Variants in DZIP3 observed in about 807,000 individuals in gnomAD.
DZIP3 encodes the protein E3 ubiquitin-protein ligase DZIP3.
A neutral mutation model predicts 162.0 loss-of-function variants in DZIP3; 118 were observed. The observed-to-expected ratio is 0.73, with a 90% CI of 0.63 to 0.85. The LOEUF is 0.85. DZIP3 is among the 40% of genes least tolerant of loss of function. The pLI is 0.00. For missense variants in DZIP3, 1,331 were observed against 1,407.0 expected (o/e 0.95, Z 0.86); for synonymous variants, 438 against 458.6 (o/e 0.96, Z 0.57).
intron 11 of DZIP3, 66 bp from the exon 12 acceptor site, chr3:108,637,430 A>G: frequency 7.2e-7 from 1 of 1,396,924 alleles, no homozygotes; most frequent in African/African-American, 1.4e-5. Context: ...TTAAGCTAAG[A>G]AATAACATTA....
At chr3:108,643,827 T>A in intron 13 of DZIP3, among the ~76,000 whole-genome samples, 1 of 152,070 alleles carries the variant, frequency 6.6e-6, no homozygotes, top group East Asian at 1.9e-4. Flanking sequence ...CAATTAGCAT[T>A]CTTGGCAAAT....
intron 4 of DZIP3, among the ~76,000 whole-genome samples, chr3:108,616,305 T>TAAAA (rs71629359): frequency 6.9e-6 from 1 of 145,180 alleles, no homozygotes; most frequent in African/African-American, 2.5e-5. Context: ...AATAAATAAA[T>TAAAA]AAAATAAAAT....
Position 108,651,099 on chromosome 3 carries a change from A to G in DZIP3, c.2008-38A>G, listed in dbSNP as rs138068047. 401 of 675,414 alleles carry G rather than the reference A, an allele frequency of 5.9e-4. 2 individuals carry two copies. The African/African-American group carries it at 7.5e-3, about 13-fold the overall frequency. The allele number at this position is 675,414 out of a possible 1,614,324, so 41.8% of individuals were successfully genotyped here. ...TATTACTAGTATGTTGTTTTGATAT[A>G]GTTGATATAGATTACTAATTCTTAT... On this transcript the variant is annotated intron_variant, in intron 17 of 32. Transcript: ENST00000361582.
At chr3:108,619,365 A>G (rs1027114370) in intron 5 of DZIP3, among the ~76,000 whole-genome samples, 6 of 152,010 alleles carry the variant, frequency 3.9e-5, no homozygotes, top group African/African-American at 1.4e-4. Flanking sequence ...ACTTATATAC[A>G]CATATACATA....
Position 108,612,537 on chromosome 3 carries a change from T to A in DZIP3, c.258+1208T>A, listed in dbSNP as rs569856676. ...TAAAAATAGAAGAATAGTACAGTCA[T>A]CTTTTGGTATCTGTGGGAGGTTAAT... On this transcript the variant is annotated intron_variant, in intron 4 of 32. Transcript: ENST00000361582. Among the ~76,000 whole-genome samples the A allele has an allele frequency of 1.1e-4, 16 of 152,278 alleles. 1 individual carries two copies. The highest frequency in any genetic ancestry group is 6.5e-4 in the Admixed American group (10 of 15,308).
chr3:108,656,263 C>A (rs542912725), intron 19 of DZIP3, among the ~76,000 whole-genome samples: 22 of 152,298 alleles, frequency 1.4e-4, no homozygotes, highest in Non-Finnish European at 1.3e-4. Context: ...CAGACTGACA[C>A]CTCACACGGC....
intron 9 of DZIP3, among the ~76,000 whole-genome samples, chr3:108,634,507 G>T (rs61659698): frequency 6.6e-6 from 1 of 152,014 alleles, no homozygotes; most frequent in Non-Finnish European, 1.5e-5. Context: ...AGGCAGTAAT[G>T]GTATGGAGCT....
intron 18 of DZIP3, 141 bp from the exon 19 acceptor site, chr3:108,654,004 A>G (rs938300372): frequency 1.4e-5 from 11 of 805,450 alleles, no homozygotes; most frequent in Admixed American, 5.6e-5. Context: ...TATGAGCACT[A>G]TCCAAACTTC....
intron 3 of DZIP3, among the ~76,000 whole-genome samples, chr3:108,609,245 C>A (rs1940563564): frequency 2.0e-5 from 3 of 152,038 alleles, no homozygotes; most frequent in African/African-American, 7.2e-5. Flanking sequence ...AGAGGTTATC[C>A]TGTAACTTAG....
At chr3:108,660,215 A>G (rs966228190) in intron 19 of DZIP3, among the ~76,000 whole-genome samples, 1 of 152,244 alleles carries the variant, frequency 6.6e-6, no homozygotes, top group South Asian at 2.1e-4. Flanking sequence ...AGCTGGAGGC[A>G]TCACACTACC....
chr3:108,636,965 T>C (rs1942177631), intron 11 of DZIP3, among the ~76,000 whole-genome samples: 1 of 151,972 alleles, frequency 6.6e-6, no homozygotes, highest in South Asian at 2.1e-4. Context: ...GCCATAAGTA[T>C]ACCAATAAGG....
At chr3:108,680,150 C>T (rs1443110244) in intron 26 of DZIP3, among the ~76,000 whole-genome samples, 2 of 151,932 alleles carry the variant, frequency 1.3e-5, no homozygotes, top group African/African-American at 4.8e-5. Flanking sequence ...TACCTCAACA[C>T]AATAAAGGCC....
intron 14 of DZIP3, among the ~76,000 whole-genome samples, chr3:108,645,432 T>A (rs1048281499): frequency 1.9e-4 from 29 of 152,208 alleles, no homozygotes; most frequent in African/African-American, 5.5e-4. Context: ...TAGATAATTT[T>A]AAAAATCAGG....
At chr3:108,601,143 T>C (rs1298934191) in intron 1 of DZIP3, among the ~76,000 whole-genome samples, 1 of 152,198 alleles carries the variant, frequency 6.6e-6, no homozygotes, top group Admixed American at 6.5e-5. Flanking sequence ...TTGTTAATCT[T>C]AACTCATTCA....
chr3:108,644,013 A>T, intron 13 of DZIP3, 151 bp from the exon 14 acceptor site: 1 of 886,144 alleles, frequency 1.1e-6, no homozygotes, highest in Non-Finnish European at 1.6e-6. Flanking sequence ...GCAGCATGCT[A>T]ATTGAGCACT....
intron 22 of DZIP3, among the ~76,000 whole-genome samples, chr3:108,671,024 C>G (rs1408411259): frequency 6.6e-6 from 1 of 151,820 alleles, no homozygotes; most frequent in Non-Finnish European, 1.5e-5. Flanking sequence ...TTATCAGATA[C>G]AAGTCCCTTA....
chr3:108,666,489 A>G (rs1283014878), intron 21 of DZIP3, among the ~76,000 whole-genome samples: 1 of 152,192 alleles, frequency 6.6e-6, no homozygotes, highest in African/African-American at 2.4e-5. Flanking sequence ...ACTACTAAAC[A>G]GAAAATCAGC....
In DZIP3 at chr3:108,609,767, G is replaced by A. The variant is rs985088838; in HGVS notation, c.103-1407G>A. On this transcript the variant is annotated intron_variant, in intron 3 of 32. Transcript: ENST00000361582. ...AAGGTGGGAGAATCACTTGTGCTTG[G>A]GAGGTCAAGGCTGCAGTGAGCCGTG... is the stretch of plus-strand genomic sequence containing the variant. Among the ~76,000 whole-genome samples, 7 of 152,162 alleles carry A rather than the reference G, an allele frequency of 4.6e-5. 1 individual carries two copies. The highest frequency in any genetic ancestry group is 3.9e-4 in the Admixed American group (6 of 15,266).
intron 28 of DZIP3, 105 bp downstream of exon 28, chr3:108,686,689 A>G: frequency 1.5e-6 from 2 of 1,306,802 alleles, no homozygotes; most frequent in South Asian, 4.5e-5. Context: ...AAACACAAAA[A>G]AAGTACAGAT....
Sources: gnomAD v4.1 joint callset for allele counts (sites outside exome capture counted in the v4.1 genomes callset) on GRCh38, gnomAD v4.1.1 for gene constraint, MANE v1.5 for transcripts, NCBI Gene and HGNC (gene_info 2026-07-23, HGNC 2026-07-21) for gene names.